Variants in WDR75 observed in about 807,000 individuals in gnomAD.
The protein encoded by WDR75 is WD repeat-containing protein 75.
WDR75 carries 52 observed loss-of-function variants against 106.1 expected under a neutral mutation model. That is an observed-to-expected ratio of 0.49 (90% CI 0.39 to 0.62). The LOEUF (loss-of-function observed/expected upper bound fraction) is 0.62, where lower values mean the gene tolerates loss of function less well. WDR75 is among the 20% of genes least tolerant of loss of function. WDR75 has a pLI of 0.00. For synonymous variants in WDR75, 333 were observed against 335.5 expected (o/e 0.99, Z 0.08); for missense variants, 905 against 970.3 (o/e 0.93, Z 0.89).
intron 9 of WDR75, 64 bp downstream of exon 9, chr2:189,462,706 G>A: frequency 6.7e-7 from 1 of 1,494,360 alleles, no homozygotes; most frequent in South Asian, 1.2e-5. Context: ...GCATCTGTAG[G>A]GAACAGAGAA....
chr2:189,454,989 A>G (rs924658991), intron 4 of WDR75, among the ~76,000 whole-genome samples: 11 of 152,216 alleles, frequency 7.2e-5, no homozygotes, highest in African/African-American at 2.6e-4. Context: ...TCACACCTAT[A>G]ATAGCAATTT....
chr2:189,448,519 G>A lies in WDR75; in HGVS notation c.216+11G>A. 1 of 1,611,582 alleles carries A rather than the reference G, an allele frequency of 6.2e-7. No individual in the cohort carries two copies. ...AACAACCATCTACAGGTGTCAAACA[G>A]TTTATAGCTGAATACTTTAAGACTG... is the stretch of plus-strand genomic sequence containing the variant. On this transcript the variant is annotated intron_variant, in intron 2 of 20. Coordinates refer to ENST00000314761, the MANE Select transcript of WDR75 (RefSeq NM_032168.3).
chr2:189,474,314 CAT>C lies in WDR75; in HGVS notation c.2180_2181del (p.Ile727ThrfsTer4). 1.9e-6 allele frequency: 3 copies of C among 1,610,294 alleles called. No homozygotes were observed. Among genetic ancestry groups the C allele is most frequent in the Non-Finnish European group, 2.5e-6 (3 of 1,178,922 alleles). ...TGGTACAACTACCCTTAACAGAAAA[CAT>C]ACCCGCAATTAGTGAGGTAAGTAAT... ...ELVQLPLTEN[I>X]PAISELLHTP... On this transcript the variant is annotated frameshift_variant, in exon 19 of 21. Coordinates refer to ENST00000314761, the MANE Select transcript of WDR75 (RefSeq NM_032168.3). LOFTEE classifies it high-confidence loss of function.
At chr2:189,448,868 G>A (rs1424686977) in intron 2 of WDR75, 6 of 473,798 alleles carry the variant, frequency 1.3e-5, no homozygotes, top group African/African-American at 1.2e-4. Context: ...AAACTTACTT[G>A]ACTTGTGAAC....
At position 189,457,331 on chromosome 2, in the gene WDR75, A is replaced by C. The variant is rs372032043; in HGVS notation, c.519A>C (p.Val173=). Residue 173 remains valine, a synonymous_variant, in exon 6 of 21, where the codon GTA becomes GTC. Coordinates refer to ENST00000314761, the MANE Select transcript of WDR75 (RefSeq NM_032168.3). ...ACTAGGGAGTATATGTTGCTGCAGTACGGGAATTTTACTTGTCTGTTTATT... is the reference window on the plus strand; with the variant it reads ...ACTAGGGAGTATATGTTGCTGCAGTCCGGGAATTTTACTTGTCTGTTTATT... ...FGNEGVYVAA[V]REFYLSVYFF... The C allele has an allele frequency of 1.2e-6, 2 of 1,604,974 alleles. No homozygotes were observed. Among genetic ancestry groups the C allele is most frequent in the Non-Finnish European group, 1.7e-6 (2 of 1,172,798 alleles).
At chr2:189,461,689 T>G (rs1456176706) in intron 8 of WDR75, among the ~76,000 whole-genome samples, 7 of 152,234 alleles carry the variant, frequency 4.6e-5, no homozygotes. Flanking sequence ...TCATGCTGTC[T>G]GTGAACATGG....
chr2:189,471,268 T>C (rs1477716328), intron 18 of WDR75, among the ~76,000 whole-genome samples: 1 of 152,228 alleles, frequency 6.6e-6, no homozygotes, highest in Admixed American at 6.5e-5. Flanking sequence ...ATTTAGGTAT[T>C]ATCTGTTAAC....
intron 8 of WDR75, among the ~76,000 whole-genome samples, chr2:189,460,786 G>A (rs981990067): frequency 5.9e-5 from 9 of 152,102 alleles, no homozygotes; most frequent in African/African-American, 1.7e-4. Context: ...GATTACAGGC[G>A]TGAGCTACCG....
chr2:189,462,143 T>C (rs188278860), intron 8 of WDR75, among the ~76,000 whole-genome samples: 140 of 151,966 alleles, frequency 9.2e-4, no homozygotes, highest in African/African-American at 3.3e-3. Context: ...AATCGGCTTT[T>C]TTTTATATAT....
chr2:189,464,079 T>TTATTATACTTGAAC, intron 11 of WDR75, 118 bp downstream of exon 11: 4 of 833,096 alleles, frequency 4.8e-6, no homozygotes, highest in Middle Eastern at 3.2e-4. Flanking sequence ...TACTTGAACA[T>TTATTATACTTGAAC]AGTATTATCC....
intron 2 of WDR75, 24 bp from the exon 3 acceptor site, chr2:189,450,878 AT>A: frequency 6.3e-7 from 1 of 1,595,396 alleles, no homozygotes; most frequent in Non-Finnish European, 8.5e-7. Context: ...TTTTAAATCA[AT>A]TTTGTATTGT....
chr2:189,468,129 A>C (rs1172160182), intron 14 of WDR75, among the ~76,000 whole-genome samples: 1 of 152,160 alleles, frequency 6.6e-6, no homozygotes, highest in Non-Finnish European at 1.5e-5. Flanking sequence ...TACTTTGTAA[A>C]ACTTTCTTCA....
intron 7 of WDR75, 152 bp from the exon 8 acceptor site, chr2:189,459,184 G>A (rs1686808762): frequency 3.2e-6 from 2 of 627,184 alleles, no homozygotes; most frequent in Admixed American, 3.7e-5. Context: ...AGTCACTCTG[G>A]TTAGAAATAG....
At position 189,458,005 on chromosome 2, in the gene WDR75, C is replaced by A. The variant is rs551224811; in HGVS notation, c.569+624C>A. Among the ~76,000 whole-genome samples, 4 of 138,080 alleles carry A rather than the reference C, an allele frequency of 2.9e-5. No homozygotes were observed. In the East Asian group the frequency reaches 6.8e-4, roughly 24 times the overall value. The allele number at this position is 138,080 out of a possible 152,430, so 90.6% of individuals were successfully genotyped here. A position where few individuals can be genotyped will look rare whatever the true frequency, so the allele number is the denominator to read the frequency against. On this transcript the variant is annotated intron_variant, in intron 6 of 20. Transcript: ENST00000314761. ...ATGGTGTGTTCTCGGCTCACTGTAA[C>A]CTCCGCCTCCCGGGTTCAAGTGATT...
rs374283241 is a variant in WDR75 at position 189,474,713 on chromosome 2, C to G, written c.2197-4C>G. The G allele has an allele frequency of 2.7e-5, 43 of 1,613,458 alleles. No individual in the cohort carries two copies. The highest frequency in any genetic ancestry group is 3.3e-5 in the Non-Finnish European group (39 of 1,179,620). ...TTGCAACCGTGTTTTCTGTTTGACT[C>G]CAGCTTCTTCACACTCCAGCCCATG... On this transcript the variant is annotated splice_polypyrimidine_tract_variant and splice_region_variant and intron_variant, in intron 19 of 20. Coordinates refer to ENST00000314761, the MANE Select transcript of WDR75 (RefSeq NM_032168.3).
At chr2:189,449,912 T>C (rs1296922663) in intron 2 of WDR75, 1 of 983,926 alleles carries the variant, frequency 1.0e-6, no homozygotes, top group East Asian at 1.1e-4. Flanking sequence ...TAAAATTCTT[T>C]GTAAACATTA....
chr2:189,445,043 C>G (rs6718305), intron 1 of WDR75, among the ~76,000 whole-genome samples: 3,642 of 152,242 alleles, frequency 0.024, 157 homozygotes, highest in African/African-American at 0.084. Context: ...GTGCATTACA[C>G]ACCTTCCAGT....
Position 189,463,919 on chromosome 2 carries a change from C to T in WDR75, c.1071C>T (p.His357=), listed in dbSNP as rs1334980099. 3.1e-6 allele frequency: 5 copies of T among 1,613,738 alleles called. No homozygotes were observed. In the Admixed American group the frequency reaches 6.7e-5, roughly 22 times the overall value. Residue 357 remains histidine, a synonymous_variant, in exon 11 of 21, where the codon CAC becomes CAT. Coordinates refer to ENST00000314761, the MANE Select transcript of WDR75 (RefSeq NM_032168.3). ...TGGTTTTGAATGGAAAACCTGGCCA[C>T]CTGCAGTTTTATTCTCTCCAGAGTG... ...KALVLNGKPG[H]LQFYSLQSDK...
chr2:189,451,095 T>C, intron 3 of WDR75, 127 bp downstream of exon 3: 1 of 1,205,022 alleles, frequency 8.3e-7, no homozygotes, highest in Non-Finnish European at 1.1e-6. Context: ...CAAAATAACA[T>C]CAAAAAAATT....
Sources: allele counts gnomAD v4.1 joint callset (sites outside exome capture counted in the v4.1 genomes callset), GRCh38; gene constraint gnomAD v4.1.1; transcripts MANE v1.5; gene names NCBI Gene and HGNC (gene_info 2026-07-23, HGNC 2026-07-21).